The following CCDC85A variants were observed in gnomAD, a reference collection of about 807,000 sequenced individuals.
CCDC85A encodes coiled-coil domain containing 85A.
Under a neutral mutation model 50.2 loss-of-function variants are expected in CCDC85A, and 38 were observed. The observed-to-expected ratio is 0.76, with a 90% confidence interval of 0.58 to 0.99. CCDC85A has a LOEUF of 0.99. Ranked by LOEUF, CCDC85A falls within the 50% of genes least tolerant of loss-of-function variation. The pLI is 0.00. For synonymous variants in CCDC85A, 366 were observed against 301.4 expected, an observed-to-expected ratio of 1.21 and a Z score of -2.22; for missense variants, 820 against 742.0, an observed-to-expected ratio of 1.11 and a Z score of -1.22.
At chr2:56,300,592 C>T (rs930044327) in intron 2 of CCDC85A, among the ~76,000 whole-genome samples, 8 of 152,142 alleles carry the variant, frequency 5.3e-5, no homozygotes, top group African/African-American at 1.9e-4. Context: ...ACATGAATGC[C>T]CTTGTATGCT....
At position 56,384,371 on chromosome 2, in the gene CCDC85A, A is replaced by G; in HGVS notation, c.*16A>G. ...ACCAATGTGAGATGCACTCTTTTTCAAACAGGAGATCACCACTGCCAGAAA... is the reference window on the plus strand; with the variant it reads ...ACCAATGTGAGATGCACTCTTTTTCGAACAGGAGATCACCACTGCCAGAAA... On this transcript the variant is annotated 3_prime_UTR_variant, in exon 6 of 6. Transcript: ENST00000407595. 6.3e-7 allele frequency: 1 copy of G among 1,599,958 alleles called. No individual in the cohort carries two copies. Among genetic ancestry groups the G allele is most frequent in the Non-Finnish European group, 8.6e-7 (1 of 1,169,056 alleles).
intron 2 of CCDC85A, among the ~76,000 whole-genome samples, chr2:56,221,458 C>T (rs1558591196): frequency 6.6e-6 from 1 of 152,016 alleles, no homozygotes; most frequent in East Asian, 1.9e-4. Flanking sequence ...TATGTTTGCA[C>T]ACTTGTCTCC....
At chr2:56,372,966 T>A (rs1246386503) in intron 4 of CCDC85A, among the ~76,000 whole-genome samples, 5 of 152,224 alleles carry the variant, frequency 3.3e-5, no homozygotes, top group Non-Finnish European at 5.9e-5. Context: ...CATATTTTTT[T>A]AAATAGTTCA....
At chr2:56,228,660 G>A (rs1668645970) in intron 2 of CCDC85A, among the ~76,000 whole-genome samples, 1 of 151,988 alleles carries the variant, frequency 6.6e-6, no homozygotes, top group Non-Finnish European at 1.5e-5. Context: ...AGCCTCCCGA[G>A]TAGCTGGGAC....
chr2:56,356,510 G>A (rs947881048), intron 3 of CCDC85A, among the ~76,000 whole-genome samples: 1 of 152,126 alleles, frequency 6.6e-6, no homozygotes, highest in Non-Finnish European at 1.5e-5. Flanking sequence ...GAGCCAGGTG[G>A]ATCACCTAAG....
At chr2:56,351,952 C>T (rs183377517) in intron 3 of CCDC85A, among the ~76,000 whole-genome samples, 22 of 152,132 alleles carry the variant, frequency 1.4e-4, no homozygotes, top group African/African-American at 4.8e-4. Context: ...AATGGTAATG[C>T]CTAGGTTTTC....
intron 5 of CCDC85A, among the ~76,000 whole-genome samples, chr2:56,376,856 T>C (rs1676360571): frequency 6.6e-6 from 1 of 152,190 alleles, no homozygotes; most frequent in African/African-American, 2.4e-5. Context: ...ACCATGTGAG[T>C]TTCACAACTC....
chr2:56,189,516 C>G (rs539766528), intron 1 of CCDC85A, among the ~76,000 whole-genome samples: 11 of 152,074 alleles, frequency 7.2e-5, no homozygotes, highest in Admixed American at 5.9e-4. Context: ...GTCTTGAACT[C>G]CTGACCTCAA....
intron 2 of CCDC85A, among the ~76,000 whole-genome samples, chr2:56,224,132 C>T (rs1668446879): frequency 6.6e-6 from 1 of 152,176 alleles, no homozygotes; most frequent in Non-Finnish European, 1.5e-5. Flanking sequence ...AATCTTCCCT[C>T]ACAATCTCAA....
At chr2:56,328,817 G>T (rs1245995154) in intron 2 of CCDC85A, among the ~76,000 whole-genome samples, 4 of 152,010 alleles carry the variant, frequency 2.6e-5, no homozygotes, top group Admixed American at 2.6e-4. Context: ...CACTGCCCTG[G>T]CTCATGCACA....
At chr2:56,330,779 G>A (rs945048256) in intron 2 of CCDC85A, among the ~76,000 whole-genome samples, 2 of 152,168 alleles carry the variant, frequency 1.3e-5, no homozygotes, top group Non-Finnish European at 2.9e-5. Flanking sequence ...TCGTGGGAAT[G>A]TAAATAAGTA....
At chr2:56,372,765 T>C (rs1676141480) in intron 4 of CCDC85A, among the ~76,000 whole-genome samples, 1 of 152,146 alleles carries the variant, frequency 6.6e-6, no homozygotes, top group Non-Finnish European at 1.5e-5. Context: ...AGGTCAGTGG[T>C]CTTGAAAATC....
intron 3 of CCDC85A, among the ~76,000 whole-genome samples, chr2:56,368,211 T>G (rs944211154): frequency 2.6e-5 from 4 of 152,190 alleles, no homozygotes; most frequent in Admixed American, 1.3e-4. Context: ...TTGAATAGAT[T>G]CTTTAGTTAA....
In CCDC85A at chr2:56,184,478, C is replaced by T; in HGVS notation, c.-147C>T. 2.2e-6 allele frequency: 2 copies of T among 927,710 alleles called. No homozygotes were observed. The highest frequency in any genetic ancestry group is 1.4e-6 in the Non-Finnish European group (1 of 715,998). The allele number at this position is 927,710 out of a possible 1,614,324, so 57.5% of individuals were successfully genotyped here. Reference sequence around the variant, plus strand: ...TAGGATGGCCACCCAGCGCGACCCCCGCCGCCCCAACCCAGCGGCCCCTGG... The same window carrying T: ...TAGGATGGCCACCCAGCGCGACCCCTGCCGCCCCAACCCAGCGGCCCCTGG... On this transcript the variant is annotated 5_prime_UTR_variant, in exon 1 of 6. Coordinates refer to ENST00000407595, the MANE Select transcript of CCDC85A (RefSeq NM_001080433.2).
chr2:56,251,168 A>T (rs1018124591), intron 2 of CCDC85A, among the ~76,000 whole-genome samples: 1 of 152,172 alleles, frequency 6.6e-6, no homozygotes, highest in Non-Finnish European at 1.5e-5. Context: ...CTTTGGGTGA[A>T]CAAAGGGTAT....
chr2:56,208,931 G>C (rs1288231567), intron 2 of CCDC85A, among the ~76,000 whole-genome samples: 3 of 152,008 alleles, frequency 2.0e-5, no homozygotes, highest in African/African-American at 4.8e-5. Context: ...TTATAATCCA[G>C]CTAAGGGGAA....
intron 2 of CCDC85A, among the ~76,000 whole-genome samples, chr2:56,260,931 C>T (rs1257525095): frequency 6.6e-6 from 1 of 152,108 alleles, no homozygotes; most frequent in East Asian, 1.9e-4. Flanking sequence ...CTTGCCTTCA[C>T]AAAAAATAAT....
chr2:56,326,274 G>A (rs1299290440), intron 2 of CCDC85A, among the ~76,000 whole-genome samples: 1 of 152,074 alleles, frequency 6.6e-6, no homozygotes, highest in Non-Finnish European at 1.5e-5. Context: ...AAGAATATTT[G>A]CCTCTTAGTT....
chr2:56,323,244 G>A (rs1309546377), intron 2 of CCDC85A, among the ~76,000 whole-genome samples: 1 of 152,100 alleles, frequency 6.6e-6, no homozygotes, highest in African/African-American at 2.4e-5. Context: ...GTATACATAT[G>A]TAACAAACCT....
Sources: gnomAD v4.1 joint callset for allele counts (sites outside exome capture counted in the v4.1 genomes callset) on GRCh38, gnomAD v4.1.1 for gene constraint, MANE v1.5 for transcripts, NCBI Gene and HGNC (gene_info 2026-07-23, HGNC 2026-07-21) for gene names.